NLK: variants seen among roughly 807,000 people sequenced by gnomAD.
NLK encodes the protein nemo like kinase.
Under a neutral mutation model 59.0 loss-of-function variants are expected in NLK, and 11 were observed. The ratio of observed to expected loss-of-function variants is 0.19; its 90% confidence interval spans 0.12 to 0.31. The LOEUF (loss-of-function observed/expected upper bound fraction) is 0.31. Among genes scored for constraint, NLK ranks in the 10% least tolerant of loss-of-function variants. NLK has a pLI of 1.00. For synonymous variants in NLK, 235 were observed against 235.9 expected (o/e 1.00, Z 0.03); for missense variants, 410 against 661.1 (o/e 0.62, Z 4.16).
At chr17:28,063,032 G>A (rs1909718542) in intron 1 of NLK, among the ~76,000 whole-genome samples, 1 of 152,148 alleles carries the variant, frequency 6.6e-6, no homozygotes, top group African/African-American at 2.4e-5. Context: ...CCCAGGCTCA[G>A]GTGATCTTCC....
At chr17:28,069,734 C>CATT (rs1015538244) in intron 1 of NLK, among the ~76,000 whole-genome samples, 5 of 151,368 alleles carry the variant, frequency 3.3e-5, no homozygotes. Flanking sequence ...ATTGGTTTGT[C>CATT]ATTATTATTA....
At chr17:28,190,999 C>T in intron 8 of NLK, 22 bp from the exon 9 acceptor site, 1 of 1,544,884 alleles carries the variant, frequency 6.5e-7, no homozygotes, top group Non-Finnish European at 8.8e-7. Context: ...TGTTGATGTG[C>T]TGGTCTCTAA....
At chr17:28,056,722 T>C (rs1482690969) in intron 1 of NLK, among the ~76,000 whole-genome samples, 1 of 152,180 alleles carries the variant, frequency 6.6e-6, no homozygotes, top group Non-Finnish European at 1.5e-5. Flanking sequence ...CATATCATTC[T>C]TCCACCTATT....
At chr17:28,110,978 G>A (rs4795314) in intron 1 of NLK, among the ~76,000 whole-genome samples, 1 of 150,466 alleles carries the variant, frequency 6.6e-6, no homozygotes, top group Non-Finnish European at 1.5e-5. Flanking sequence ...CCAAGTAGCT[G>A]GGACTACAGG....
At chr17:28,077,069 CTTTCTTTTTTT>C (rs1467501464) in intron 1 of NLK, among the ~76,000 whole-genome samples, 2 of 68,590 alleles carry the variant, frequency 2.9e-5, no homozygotes, top group African/African-American at 1.1e-4. Context: ...ACTTCTCTTT[CTTTCTTTTTTT>C]TTTTTTTTTT....
chr17:28,164,179 G>A (rs1383647554), intron 5 of NLK, among the ~76,000 whole-genome samples: 1 of 152,044 alleles, frequency 6.6e-6, no homozygotes, highest in East Asian at 1.9e-4. Context: ...AGACCAGCCT[G>A]GGCAATGCAG....
intron 1 of NLK, among the ~76,000 whole-genome samples, chr17:28,093,993 CA>C (rs141740016): frequency 0.01 from 1,590 of 151,854 alleles, 31 homozygotes; most frequent in African/African-American, 0.036. Flanking sequence ...CAAAAGATTG[CA>C]AAAAAATGAC....
intron 7 of NLK, among the ~76,000 whole-genome samples, chr17:28,175,392 A>G (rs1315496884): frequency 6.6e-6 from 1 of 151,832 alleles, no homozygotes; most frequent in East Asian, 1.9e-4. Context: ...CAGAGCTTGC[A>G]GTGAGCCGAG....
chr17:28,119,667 G>A (rs987540585), intron 1 of NLK, among the ~76,000 whole-genome samples: 6 of 152,138 alleles, frequency 3.9e-5, no homozygotes, highest in African/African-American at 1.2e-4. Flanking sequence ...ATCATGAGGG[G>A]ATACTAAAGT....
chr17:28,156,629 G>C (rs1291184113), intron 3 of NLK, among the ~76,000 whole-genome samples: 1 of 152,130 alleles, frequency 6.6e-6, no homozygotes, highest in African/African-American at 2.4e-5. Context: ...AATGATCCAC[G>C]TTGTGTGTTT....
intron 3 of NLK, among the ~76,000 whole-genome samples, chr17:28,155,442 A>G (rs1307951419): frequency 6.6e-6 from 1 of 152,208 alleles, no homozygotes; most frequent in African/African-American, 2.4e-5. Context: ...ATATACCCAA[A>G]GGATTATAAA....
At chr17:28,192,735 G>A (rs987171603) in intron 10 of NLK, among the ~76,000 whole-genome samples, 1 of 151,946 alleles carries the variant, frequency 6.6e-6, no homozygotes, top group African/African-American at 2.4e-5. Context: ...CGGTTGCTTT[G>A]GCAATTTTTT....
chr17:28,186,622 C>CT (rs34671526), intron 8 of NLK, among the ~76,000 whole-genome samples: 7,466 of 152,160 alleles, frequency 0.049, 606 homozygotes, highest in African/African-American at 0.17. Flanking sequence ...CAAGTCATGT[C>CT]TATATGGATG....
At chr17:28,176,795 G>A (rs1908698079) in intron 7 of NLK, among the ~76,000 whole-genome samples, 1 of 151,962 alleles carries the variant, frequency 6.6e-6, no homozygotes, top group Non-Finnish European at 1.5e-5. Context: ...TATCTTTCCG[G>A]ATATATATTC....
intron 2 of NLK, among the ~76,000 whole-genome samples, chr17:28,131,707 C>A (rs529867276): frequency 6.6e-6 from 1 of 151,566 alleles, no homozygotes; most frequent in East Asian, 1.9e-4. Context: ...TGGTATTTCT[C>A]ATTAGCTTAG....
chr17:28,109,051 G>C (rs968873383), intron 1 of NLK, among the ~76,000 whole-genome samples: 1 of 151,962 alleles, frequency 6.6e-6, no homozygotes, highest in Non-Finnish European at 1.5e-5. Context: ...GGCGCCTGTA[G>C]TCCCAGCTAC....
intron 1 of NLK, among the ~76,000 whole-genome samples, chr17:28,078,979 C>G (rs1305750761): frequency 1.3e-5 from 2 of 152,238 alleles, no homozygotes; most frequent in Non-Finnish European, 2.9e-5. Context: ...TGCAACAGAT[C>G]TCTAGAACTT....
chr17:28,140,436 T>C (rs542090776), intron 3 of NLK, among the ~76,000 whole-genome samples: 1 of 152,316 alleles, frequency 6.6e-6, no homozygotes, highest in South Asian at 2.1e-4. Flanking sequence ...TTGTGTGTAT[T>C]TTACCACAAT....
intron 1 of NLK, among the ~76,000 whole-genome samples, chr17:28,060,288 A>T (rs1467724537): frequency 6.6e-6 from 1 of 152,178 alleles, no homozygotes; most frequent in African/African-American, 2.4e-5. Context: ...AAAGAACATC[A>T]GATTTGTCTA....
Sources: allele counts gnomAD v4.1 joint callset (sites outside exome capture counted in the v4.1 genomes callset), GRCh38; gene constraint gnomAD v4.1.1; transcripts MANE v1.5; gene names NCBI Gene and HGNC (gene_info 2026-07-23, HGNC 2026-07-21).